Variants in CSMD1 observed in about 807,000 individuals in gnomAD.
CSMD1 encodes the protein CUB and sushi domain-containing protein 1.
Under a neutral mutation model 417.5 loss-of-function variants are expected in CSMD1, and 213 were observed. That is an observed-to-expected ratio of 0.51 (90% CI 0.46 to 0.57). CSMD1 has a LOEUF of 0.57. CSMD1 is among the 20% of genes least tolerant of loss of function. The pLI is 0.00. For synonymous variants in CSMD1, 2,862 were observed against 1,736.8 expected, an observed-to-expected ratio of 1.65 and a Z score of -16.11; for missense variants, 6,923 against 4,529.7, an observed-to-expected ratio of 1.53 and a Z score of -15.17.
At position 3,523,222 on chromosome 8, in the gene CSMD1, T is replaced by C. The variant is rs150229372; in HGVS notation, c.1345-29496A>G. 1.1e-3 allele frequency among the ~76,000 whole-genome samples: 171 copies of C among 152,288 alleles called. 1 individual carries two copies. The highest frequency in any genetic ancestry group is 3.9e-3 in the African/African-American group (161 of 41,562). ...GTGTCCATAATTATCCCGCATGCTA[T>C]GGATCATAGTAAGACCTAAAGCATC... On this transcript the variant is annotated intron_variant, in intron 10 of 69. Coordinates refer to ENST00000635120, the MANE Select transcript of CSMD1 (RefSeq NM_033225.6).
intron 23 of CSMD1, among the ~76,000 whole-genome samples, chr8:3,324,630 A>G (rs1283338297): frequency 6.6e-6 from 1 of 151,620 alleles, no homozygotes; most frequent in Non-Finnish European, 1.5e-5. Context: ...TCATTGTTAA[A>G]ATAGGCCCAC....
chr8:4,717,507 A>G (rs1808750535), intron 1 of CSMD1, among the ~76,000 whole-genome samples: 1 of 151,514 alleles, frequency 6.6e-6, no homozygotes, highest in African/African-American at 2.4e-5. Flanking sequence ...TCTACCTATG[A>G]CAAGATTCAG....
chr8:3,238,048 G>A (rs1799266165), intron 26 of CSMD1, among the ~76,000 whole-genome samples: 1 of 151,936 alleles, frequency 6.6e-6, no homozygotes, highest in Non-Finnish European at 1.5e-5. Flanking sequence ...CAATAAAGCT[G>A]TTTATTTCAC....
chr8:3,968,319 C>T (rs1157984144), intron 5 of CSMD1, among the ~76,000 whole-genome samples: 1 of 152,012 alleles, frequency 6.6e-6, no homozygotes. Context: ...ATGAGTATTG[C>T]CTGGACAGAG....
chr8:3,531,017 T>G (rs1797957939), intron 10 of CSMD1, among the ~76,000 whole-genome samples: 1 of 144,020 alleles, frequency 6.9e-6, no homozygotes, highest in Non-Finnish European at 1.5e-5. Context: ...CATGCCCAGC[T>G]AATTTTTTTT....
chr8:3,542,911 G>A (rs964374874), intron 10 of CSMD1, among the ~76,000 whole-genome samples: 5 of 152,186 alleles, frequency 3.3e-5, no homozygotes, highest in South Asian at 4.1e-4. Flanking sequence ...TGGAGACACC[G>A]TCCTCCCCAG....
At chr8:4,459,683 A>G (rs903554142) in intron 2 of CSMD1, among the ~76,000 whole-genome samples, 1 of 152,252 alleles carries the variant, frequency 6.6e-6, no homozygotes, top group Non-Finnish European at 1.5e-5. Flanking sequence ...AAGTGTGGAC[A>G]TAAGAATATG....
intron 5 of CSMD1, among the ~76,000 whole-genome samples, chr8:3,973,547 A>G (rs1280281832): frequency 2.6e-5 from 4 of 152,226 alleles, no homozygotes; most frequent in African/African-American, 7.2e-5. Flanking sequence ...TACAAACAAC[A>G]AAATTCTTTC....
At chr8:4,094,707 G>C (rs538374345) in intron 3 of CSMD1, among the ~76,000 whole-genome samples, 1 of 152,186 alleles carries the variant, frequency 6.6e-6, no homozygotes, top group African/African-American at 2.4e-5. Context: ...GGCTTCTAGA[G>C]AGACAGGGCA....
At chr8:3,986,873 G>C (rs1421174586) in intron 5 of CSMD1, among the ~76,000 whole-genome samples, 1 of 151,988 alleles carries the variant, frequency 6.6e-6, no homozygotes, top group Non-Finnish European at 1.5e-5. Flanking sequence ...TCCTGCTTCA[G>C]CCTCCCAAGT....
At chr8:4,620,369 T>C (rs1357353474) in intron 2 of CSMD1, among the ~76,000 whole-genome samples, 1 of 151,580 alleles carries the variant, frequency 6.6e-6, no homozygotes, top group Non-Finnish European at 1.5e-5. Flanking sequence ...CATCAATATT[T>C]CCATTTTAAA....
At chr8:3,891,866 G>C (rs533802632) in intron 5 of CSMD1, among the ~76,000 whole-genome samples, 1 of 152,048 alleles carries the variant, frequency 6.6e-6, no homozygotes, top group Non-Finnish European at 1.5e-5. Flanking sequence ...CCCAAAAAAA[G>C]GCTAGTTACT....
At position 4,927,521 on chromosome 8, in the gene CSMD1, C is replaced by G. The variant is rs73189636; in HGVS notation, c.85+66811G>C. 2.3e-4 allele frequency among the ~76,000 whole-genome samples: 35 copies of G among 152,062 alleles called. No homozygotes were observed. In the South Asian group the frequency reaches 6.2e-3, roughly 27 times the overall value. ...CTCTGCGATGCCAGTCCTTTTTTTC[C>G]GAGAGCAAGTGAGTTGGAAAGGGGC... On this transcript the variant is annotated intron_variant, in intron 1 of 69. Coordinates refer to ENST00000635120, the MANE Select transcript of CSMD1 (RefSeq NM_033225.6).
chr8:4,136,302 C>A (rs117255531), intron 3 of CSMD1, among the ~76,000 whole-genome samples: 1 of 152,254 alleles, frequency 6.6e-6, no homozygotes, highest in Non-Finnish European at 1.5e-5. Context: ...CTTTTTTTAG[C>A]TTCCAGATTT....
At chr8:4,379,435 G>T (rs927806274) in intron 3 of CSMD1, among the ~76,000 whole-genome samples, 2 of 152,168 alleles carry the variant, frequency 1.3e-5, no homozygotes, top group African/African-American at 2.4e-5. Flanking sequence ...AAAGCCTGCA[G>T]TTTAGTTAAT....
At chr8:4,120,556 C>G (rs888570525) in intron 3 of CSMD1, among the ~76,000 whole-genome samples, 1 of 152,210 alleles carries the variant, frequency 6.6e-6, no homozygotes, top group African/African-American at 2.4e-5. Flanking sequence ...GATACCAAAA[C>G]TGGCGACCGG....
intron 8 of CSMD1, among the ~76,000 whole-genome samples, chr8:3,607,421 A>T (rs1209370531): frequency 6.6e-6 from 1 of 152,230 alleles, no homozygotes; most frequent in Admixed American, 6.5e-5. Flanking sequence ...AACAGTAGAA[A>T]GTATACCATT....
chr8:3,815,001 A>T (rs2129079269), intron 5 of CSMD1, among the ~76,000 whole-genome samples: 1 of 152,356 alleles, frequency 6.6e-6, no homozygotes, highest in African/African-American at 2.4e-5. Flanking sequence ...CTAAATTACA[A>T]TAGTTACATA....
At chr8:4,674,293 A>G (rs562755655) in intron 1 of CSMD1, among the ~76,000 whole-genome samples, 1 of 152,204 alleles carries the variant, frequency 6.6e-6, no homozygotes, top group Non-Finnish European at 1.5e-5. Flanking sequence ...TGCAGGGCAC[A>G]GGGATGGACC....
Sources: allele counts gnomAD v4.1 joint callset (sites outside exome capture counted in the v4.1 genomes callset), GRCh38; gene constraint gnomAD v4.1.1; transcripts MANE v1.5; gene names NCBI Gene and HGNC (gene_info 2026-07-23, HGNC 2026-07-21).